Variants in ERBB4 observed in about 807,000 individuals in gnomAD.
The protein encoded by ERBB4 is receptor tyrosine-protein kinase erbB-4.
Under a neutral mutation model 158.0 loss-of-function variants are expected in ERBB4, and 42 were observed. The observed-to-expected ratio is 0.27, with a 90% confidence interval of 0.21 to 0.34. The LOEUF (loss-of-function observed/expected upper bound fraction) is 0.34. Ranked by LOEUF, ERBB4 falls within the 10% of genes least tolerant of loss-of-function variation. The pLI, the probability that ERBB4 is intolerant of heterozygous loss-of-function variation, is 1.00. For synonymous variants in ERBB4, 583 were observed against 558.7 expected, an observed-to-expected ratio of 1.04 and a Z score of -0.61; for missense variants, 1,333 against 1,624.1, an observed-to-expected ratio of 0.82 and a Z score of 3.08.
At chr2:212,189,627 C>T (rs2082128965) in intron 1 of ERBB4, among the ~76,000 whole-genome samples, 1 of 152,170 alleles carries the variant, frequency 6.6e-6, no homozygotes, top group South Asian at 2.1e-4. Context: ...CCAATAAGGG[C>T]CTAGTGCACT....
chr2:211,635,539 C>A (rs1423836969), intron 16 of ERBB4, among the ~76,000 whole-genome samples: 1 of 151,998 alleles, frequency 6.6e-6, no homozygotes, highest in Non-Finnish European at 1.5e-5. Flanking sequence ...ACACATGAAA[C>A]CTTAGTTTTA....
At chr2:211,682,114 A>C (rs2072371837) in intron 12 of ERBB4, among the ~76,000 whole-genome samples, 1 of 148,864 alleles carries the variant, frequency 6.7e-6, no homozygotes, top group Non-Finnish European at 1.5e-5. Flanking sequence ...CAAGCAGGAA[A>C]ACTGAGAAGT....
At chr2:211,422,741 T>A (rs1241061743) in intron 23 of ERBB4, among the ~76,000 whole-genome samples, 1 of 151,920 alleles carries the variant, frequency 6.6e-6, no homozygotes, top group Admixed American at 6.6e-5. Context: ...TCTTCTTAGG[T>A]ATTAAAACCC....
At chr2:211,984,734 A>G (rs1036586485) in intron 2 of ERBB4, among the ~76,000 whole-genome samples, 2 of 152,122 alleles carry the variant, frequency 1.3e-5, no homozygotes, top group Non-Finnish European at 2.9e-5. Flanking sequence ...AGTTTAGCAT[A>G]TAACATTTTT....
intron 3 of ERBB4, among the ~76,000 whole-genome samples, chr2:211,854,937 C>G (rs1019546124): frequency 2.0e-5 from 3 of 152,114 alleles, no homozygotes; most frequent in African/African-American, 7.2e-5. Flanking sequence ...TATTGCTACG[C>G]AGTTTCCCAA....
Position 211,424,312 on chromosome 2 carries a change from G to GA in ERBB4, c.2720-12dup, listed in dbSNP as rs751503278. Reference sequence around the variant, plus strand: ...CCCATATAGTAACTCCTATATTGGAGAAAAAATTCTTACTTAAGCATATTA... The same window carrying GA: ...CCCATATAGTAACTCCTATATTGGAGAAAAAAATTCTTACTTAAGCATATTA... On this transcript the variant is annotated splice_polypyrimidine_tract_variant and intron_variant, in intron 22 of 27. Transcript: ENST00000342788. 5.0e-6 allele frequency: 8 copies of GA among 1,605,384 alleles called. No individual in the cohort carries two copies. In the Admixed American group the frequency reaches 5.0e-5, roughly 10 times the overall value.
In ERBB4 at chr2:212,331,056, T is replaced by TTATATA. The variant is rs1195085255; in HGVS notation, c.83-206154_83-206153insTATATA. Among the ~76,000 whole-genome samples the TTATATA allele has an allele frequency of 3.4e-3, 86 of 25,330 alleles. 1 individual carries two copies. The highest frequency in any genetic ancestry group is 0.1 in the Middle Eastern group (2 of 20). The allele number at this position is 25,330 out of a possible 152,430, so 16.6% of individuals were successfully genotyped here. Reference sequence around the variant, plus strand: ...TCAGTAAGTTTCCCATATTTGTAATTTGTATATATATATATACACATATAT... The same window carrying TTATATA: ...TCAGTAAGTTTCCCATATTTGTAATTTATATATGTATATATATATATACACATATAT... On this transcript the variant is annotated intron_variant, in intron 1 of 27. Coordinates refer to ENST00000342788, the MANE Select transcript of ERBB4 (RefSeq NM_005235.3).
chr2:211,929,503 T>C (rs2080114293), intron 3 of ERBB4, among the ~76,000 whole-genome samples: 1 of 152,142 alleles, frequency 6.6e-6, no homozygotes, highest in African/African-American at 2.4e-5. Flanking sequence ...TGTGATGCCT[T>C]TGTACATACA....
intron 19 of ERBB4, among the ~76,000 whole-genome samples, chr2:211,568,384 G>A (rs952227501): frequency 1.3e-5 from 2 of 152,086 alleles, no homozygotes; most frequent in Non-Finnish European, 2.9e-5. Flanking sequence ...CTGAAGGGAA[G>A]ACATTTTTGT....
intron 1 of ERBB4, among the ~76,000 whole-genome samples, chr2:212,292,358 A>C (rs1412290276): frequency 1.3e-5 from 2 of 152,056 alleles, no homozygotes; most frequent in African/African-American, 4.8e-5. Context: ...AAACATCAGA[A>C]TATAATACTG....
intron 2 of ERBB4, among the ~76,000 whole-genome samples, chr2:212,104,492 C>T (rs1409913022): frequency 2.0e-5 from 3 of 152,102 alleles, no homozygotes; most frequent in African/African-American, 7.2e-5. Flanking sequence ...AATACATGCA[C>T]ATAGAAACAT....
intron 20 of ERBB4, among the ~76,000 whole-genome samples, chr2:211,520,691 C>T (rs1167423407): frequency 6.6e-6 from 1 of 152,160 alleles, no homozygotes; most frequent in Non-Finnish European, 1.5e-5. Context: ...GTTGATTGTA[C>T]TGCACAGACA....
chr2:212,264,482 A>G (rs772590476), intron 1 of ERBB4, among the ~76,000 whole-genome samples: 25 of 152,082 alleles, frequency 1.6e-4, no homozygotes, highest in Non-Finnish European at 2.8e-4. Flanking sequence ...AGAAACACAC[A>G]GTGGGCTCTA....
chr2:211,462,360 C>G (rs577371358), intron 20 of ERBB4, among the ~76,000 whole-genome samples: 2 of 152,160 alleles, frequency 1.3e-5, no homozygotes, highest in African/African-American at 4.8e-5. Context: ...AAGATCTGGG[C>G]TGGGACAGAG....
intron 1 of ERBB4, among the ~76,000 whole-genome samples, chr2:212,421,678 T>C (rs1221430478): frequency 3.3e-5 from 5 of 152,120 alleles, no homozygotes; most frequent in African/African-American, 4.8e-5. Context: ...AGATGGAAGA[T>C]TGTCAAAACT....
chr2:211,451,218 C>T (rs142032294), intron 20 of ERBB4, among the ~76,000 whole-genome samples: 1 of 152,156 alleles, frequency 6.6e-6, no homozygotes, highest in East Asian at 1.9e-4. Context: ...ATGTCAAATG[C>T]AAAATGCTAG....
At chr2:212,108,139 G>A (rs1360899081) in intron 2 of ERBB4, among the ~76,000 whole-genome samples, 2 of 152,042 alleles carry the variant, frequency 1.3e-5, no homozygotes, top group Non-Finnish European at 2.9e-5. Flanking sequence ...TTTGAGATAA[G>A]CACTGTGGCA....
chr2:212,145,429 C>G (rs887044182), intron 1 of ERBB4, among the ~76,000 whole-genome samples: 9 of 151,986 alleles, frequency 5.9e-5, no homozygotes, highest in Non-Finnish European at 1.3e-4. Flanking sequence ...TAAAATTAGC[C>G]CTCTTCCAGT....
chr2:211,997,592 A>C (rs2082229607), intron 2 of ERBB4, among the ~76,000 whole-genome samples: 1 of 152,052 alleles, frequency 6.6e-6, no homozygotes, highest in South Asian at 2.1e-4. Context: ...TTAATTCATC[A>C]ATAATTTTCC....
Sources: allele counts gnomAD v4.1 joint callset (sites outside exome capture counted in the v4.1 genomes callset), GRCh38; gene constraint gnomAD v4.1.1; transcripts MANE v1.5; gene names NCBI Gene and HGNC (gene_info 2026-07-23, HGNC 2026-07-21).